Variants in GABRA4 observed in about 807,000 individuals in gnomAD.
GABRA4 encodes the protein gamma-aminobutyric acid receptor subunit alpha-4.
GABRA4 carries 12 observed loss-of-function variants against 49.7 expected under a neutral mutation model. The ratio of observed to expected loss-of-function variants is 0.24; its 90% CI spans 0.15 to 0.39. GABRA4 has a LOEUF of 0.39. Ranked by LOEUF, GABRA4 falls within the 10% of genes least tolerant of loss-of-function variation. The pLI, the probability that GABRA4 is intolerant of heterozygous loss-of-function variation, is 1.00. For missense variants in GABRA4, 506 were observed against 686.0 expected (o/e 0.74, Z 2.93); for synonymous variants, 288 against 240.2 (o/e 1.20, Z -1.84).
intron 8 of GABRA4, among the ~76,000 whole-genome samples, chr4:46,960,605 A>T (rs1393109438): frequency 6.6e-6 from 1 of 151,726 alleles, no homozygotes; most frequent in African/African-American, 2.4e-5. Flanking sequence ...CCCATTTGAA[A>T]ATATTATCTC....
intron 2 of GABRA4, among the ~76,000 whole-genome samples, chr4:46,988,947 T>C (rs1723639360): frequency 6.6e-6 from 1 of 152,246 alleles, no homozygotes. Flanking sequence ...AACAGAATGA[T>C]GATGTCTGCC....
chr4:46,925,275 C>A lies in GABRA4; in HGVS notation c.*2950G>T, dbSNP rs1721178449. 1 of 151,814 alleles carries A rather than the reference C, an allele frequency of 6.6e-6. No individual in the cohort carries two copies. The highest frequency in any genetic ancestry group is 2.4e-5 in the African/African-American group (1 of 41,358). 9.4% of individuals were successfully genotyped at this position (151,814 alleles called of 1,614,324 possible). A position where few individuals can be genotyped will look rare whatever the true frequency, so the allele number is the denominator to read the frequency against. On this transcript the variant is annotated 3_prime_UTR_variant, in exon 9 of 9. Coordinates refer to ENST00000264318, the MANE Select transcript of GABRA4 (RefSeq NM_000809.4). ...TACTTTAATACAAGATTTGTGAGGT[C>A]CAATTTAAAATATACATTATTCAAA...
intron 2 of GABRA4, chr4:46,992,584 G>A: frequency 2.0e-6 from 1 of 510,608 alleles, no homozygotes; most frequent in Non-Finnish European, 3.5e-6. Context: ...CCACCCAGCA[G>A]TCAGGTCCCG....
intron 8 of GABRA4, among the ~76,000 whole-genome samples, chr4:46,942,973 T>A (rs1721867614): frequency 6.6e-6 from 1 of 152,104 alleles, no homozygotes; most frequent in Non-Finnish European, 1.5e-5. Context: ...CATTTAGATA[T>A]CCTAGAGTCA....
At chr4:46,988,818 AG>A (rs1193563007) in intron 2 of GABRA4, among the ~76,000 whole-genome samples, 1 of 152,186 alleles carries the variant, frequency 6.6e-6, no homozygotes, top group Admixed American at 6.5e-5. Flanking sequence ...AAGTGGATAT[AG>A]CAATAAACCA....
chr4:46,951,795 CGTGTGTGTGT>C, intron 8 of GABRA4, among the ~76,000 whole-genome samples: 1 of 149,164 alleles, frequency 6.7e-6, no homozygotes, highest in Non-Finnish European at 1.5e-5. Flanking sequence ...TATGTGTGTA[CGTGTGTGTGT>C]GTGTGTGTGT....
intron 2 of GABRA4, among the ~76,000 whole-genome samples, chr4:46,987,070 T>A (rs964506055): frequency 3.9e-5 from 6 of 152,154 alleles, no homozygotes; most frequent in African/African-American, 1.4e-4. Flanking sequence ...AGTTCAGGAC[T>A]TGTCCCTGCT....
At chr4:46,954,889 T>A (rs1161119748) in intron 8 of GABRA4, among the ~76,000 whole-genome samples, 2 of 152,108 alleles carry the variant, frequency 1.3e-5, no homozygotes, top group Non-Finnish European at 2.9e-5. Flanking sequence ...ACACATATGA[T>A]CTAGGCAACT....
rs561702239 is a variant in GABRA4 at position 46,986,027 on chromosome 4, G to A, written c.205+6801C>T. On this transcript the variant is annotated intron_variant, in intron 2 of 8. Transcript: ENST00000264318. ...TCTTCTATATTATATTTGAACTTCT[G>A]AAAAAAATCTATCAACGGTACCTCT... 4.6e-5 allele frequency among the ~76,000 whole-genome samples: 7 copies of A among 151,906 alleles called. No individual in the cohort carries two copies. In the South Asian group the frequency reaches 1.5e-3, roughly 32 times the overall value.
rs397993248 is a variant in GABRA4, at chr4:46,925,714, A to ATATTATTATTAT, written c.*2499_*2510dup. The ATATTATTATTAT allele has an allele frequency of 1.4e-5, 2 of 139,376 alleles. No homozygotes were observed. Among genetic ancestry groups the ATATTATTATTAT allele is most frequent in the African/African-American group, 2.6e-5 (1 of 38,468 alleles). 8.6% of individuals were successfully genotyped at this position (139,376 alleles called of 1,614,324 possible). A position where few individuals can be genotyped will look rare whatever the true frequency, so the allele number is the denominator to read the frequency against. On this transcript the variant is annotated 3_prime_UTR_variant, in exon 9 of 9. Transcript: ENST00000264318. Reference sequence around the variant, plus strand: ...AATTCAGTTAAGGAAAGCAAACAACATATTATTATTATTATTATTATTATT... The same window carrying ATATTATTATTAT: ...AATTCAGTTAAGGAAAGCAAACAACATATTATTATTATTATTATTATTATTATTATTATTATT...
chr4:46,928,361 G>C lies in GABRA4; in HGVS notation c.1529C>G (p.Pro510Arg). 1 of 1,613,666 alleles carries C rather than the reference G, an allele frequency of 6.2e-7. No homozygotes were observed. Among genetic ancestry groups the C allele is most frequent in the Non-Finnish European group, 8.5e-7 (1 of 1,179,698 alleles). ...SATPPPSAPP[P>R]SGSGTSKIDK... ...TATTTTACTTGTGCCAGATCCAGAA[G>C]GTGGTGGAGCCGATGGAGGAGGAGT... Residue 510 changes from proline (P) to arginine (R), a missense_variant, in exon 9 of 9, where the codon CCT (proline) becomes CGT (arginine). Pro to Arg is a moderately radical substitution (Grantham distance 103). Coordinates refer to ENST00000264318, the MANE Select transcript of GABRA4 (RefSeq NM_000809.4).
intron 8 of GABRA4, 61 bp downstream of exon 8, chr4:46,964,909 G>A: frequency 6.7e-7 from 1 of 1,483,016 alleles, no homozygotes; most frequent in East Asian, 2.3e-5. Flanking sequence ...TTGTTTCCCT[G>A]ACAAAATAAA....
intron 8 of GABRA4, among the ~76,000 whole-genome samples, chr4:46,936,805 G>A (rs1172464560): frequency 2.6e-5 from 4 of 152,134 alleles, no homozygotes; most frequent in Admixed American, 6.6e-5. Context: ...GGTCTGGCAC[G>A]ATAGTGTCAC....
At chr4:46,934,435 C>T (rs1019990655) in intron 8 of GABRA4, among the ~76,000 whole-genome samples, 2 of 152,130 alleles carry the variant, frequency 1.3e-5, no homozygotes, top group Non-Finnish European at 2.9e-5. Context: ...TCCAAATAAA[C>T]ATGCTAAATA....
rs1382908414 is a variant in GABRA4, at chr4:46,920,803, A to T, written c.*7422T>A. On this transcript the variant is annotated 3_prime_UTR_variant, in exon 9 of 9. Transcript: ENST00000264318. ...GAAAACTAGATGAAATGTATACAGT[A>T]GAAAAATTAAAGAAGACTATAATTA... is the stretch of plus-strand genomic sequence containing the variant. 1 of 151,874 alleles carries T rather than the reference A, an allele frequency of 6.6e-6. No individual in the cohort carries two copies. The highest frequency in any genetic ancestry group is 1.5e-5 in the Non-Finnish European group (1 of 67,766). The allele number at this position is 151,874 out of a possible 1,614,324, so 9.4% of individuals were successfully genotyped here.
intron 5 of GABRA4, among the ~76,000 whole-genome samples, chr4:46,974,641 G>A (rs1384064947): frequency 6.6e-6 from 1 of 151,862 alleles, no homozygotes; most frequent in Non-Finnish European, 1.5e-5. Context: ...TAAAACTGAA[G>A]CATCTAAAAT....
At chr4:46,977,763 G>T in intron 3 of GABRA4, 133 bp from the exon 4 acceptor site, 1 of 554,834 alleles carries the variant, frequency 1.8e-6, no homozygotes, top group East Asian at 3.1e-5. Flanking sequence ...ATAGGAGCAG[G>T]AATGATCTTG....
intron 7 of GABRA4, among the ~76,000 whole-genome samples, chr4:46,967,302 G>C (rs1722796904): frequency 6.7e-6 from 1 of 150,238 alleles, no homozygotes; most frequent in South Asian, 2.1e-4. Context: ...TAACCAAAAA[G>C]GATACCCAAA....
chr4:46,971,346 T>C (rs1395221756), intron 6 of GABRA4, 111 bp from the exon 7 acceptor site: 2 of 936,420 alleles, frequency 2.1e-6, no homozygotes, highest in Non-Finnish European at 3.4e-6. Flanking sequence ...AGAAATTCTC[T>C]TTTGTGCATA....
Sources: gnomAD v4.1 joint callset for allele counts (sites outside exome capture counted in the v4.1 genomes callset) on GRCh38, gnomAD v4.1.1 for gene constraint, MANE v1.5 for transcripts, NCBI Gene and HGNC (gene_info 2026-07-23, HGNC 2026-07-21) for gene names.